MBOAT2: variants seen among roughly 807,000 people sequenced by gnomAD.
MBOAT2 encodes the protein membrane bound glycerophospholipid O-acyltransferase 2.
MBOAT2 carries 28 observed loss-of-function variants against 63.4 expected under a neutral mutation model. The ratio of observed to expected loss-of-function variants is 0.44; its 90% CI spans 0.33 to 0.61. MBOAT2 has a LOEUF of 0.61. Ranked by LOEUF, MBOAT2 falls within the 20% of genes least tolerant of loss-of-function variation. The pLI is 0.03. For synonymous variants in MBOAT2, 211 were observed against 215.6 expected, an observed-to-expected ratio of 0.98 and a Z score of 0.19; for missense variants, 470 against 605.8, an observed-to-expected ratio of 0.78 and a Z score of 2.35.
At chr2:8,974,726 T>A (rs576532185) in intron 1 of MBOAT2, among the ~76,000 whole-genome samples, 1 of 152,286 alleles carries the variant, frequency 6.6e-6, no homozygotes, top group East Asian at 1.9e-4. Flanking sequence ...GATGATTTTT[T>A]AAAATAATAC....
intron 1 of MBOAT2, 53 bp from the exon 2 acceptor site, chr2:8,958,695 T>A: frequency 1.4e-6 from 2 of 1,421,688 alleles, no homozygotes; most frequent in Non-Finnish European, 1.9e-6. Flanking sequence ...GAATTTTTCA[T>A]ATCATGTTAC....
rs1020512356 is a variant in MBOAT2, at chr2:8,857,138, C to G, written c.*1541G>C. Reference sequence around the variant, plus strand: ...ATTTGCAAATTTATTAGTGACTCCACCCCCCGAAAAAAAGAGAGAGAGAAC... The same window carrying G: ...ATTTGCAAATTTATTAGTGACTCCAGCCCCCGAAAAAAAGAGAGAGAGAAC... On this transcript the variant is annotated 3_prime_UTR_variant, in exon 13 of 13. Transcript: ENST00000305997. 1 of 152,276 alleles carries G rather than the reference C, an allele frequency of 6.6e-6. No homozygotes were observed. The highest frequency in any genetic ancestry group is 2.4e-5 in the African/African-American group (1 of 41,258). The allele number at this position is 152,276 out of a possible 1,614,324, so 9.4% of individuals were successfully genotyped here.
Position 8,862,655 on chromosome 2 carries a change from C to T in MBOAT2, c.1120G>A (p.Gly374Arg), listed in dbSNP as rs202137034. ...QTFILSAIWH[G>R]VYPGYYLTFL... The stretch of plus-strand genomic sequence containing the variant: ...GTTAGATAATATCCTGGGTATACCC[C>T]GTGCCAAATGGCAGAGAGAATGAAC... Residue 374 changes from glycine to arginine, a missense_variant, in exon 11 of 13, where the codon GGG becomes AGG. By Grantham distance (125) the Gly-to-Arg change is moderately radical. This residue lies in a region of MBOAT2 where 376 missense variants were observed against 503.8 expected (regional missense o/e 0.75). Transcript: ENST00000305997. This position sits in a 1 kb window ranked among gnomAD's most constrained non-coding sequence, Gnocchi z 4.3. 1 of 1,614,076 alleles carries T rather than the reference C, an allele frequency of 6.2e-7. No homozygotes were observed. Among genetic ancestry groups the T allele is most frequent in the South Asian group, 1.1e-5 (1 of 91,082 alleles).
In MBOAT2 at chr2:8,854,879, T is replaced by C. The variant is rs184816248; in HGVS notation, c.*3800A>G. 5.3e-5 allele frequency: 8 copies of C among 152,320 alleles called. No homozygotes were observed. Among genetic ancestry groups the C allele is most frequent in the Admixed American group, 3.3e-4 (5 of 15,304 alleles). 9.4% of individuals were successfully genotyped at this position (152,320 alleles called of 1,614,324 possible). On this transcript the variant is annotated 3_prime_UTR_variant, in exon 13 of 13. Transcript: ENST00000305997. ...ATGCTTTAAATATCCTTGAATAACT[T>C]TGAGATGTTATATAGTGGTAAACCC... is the stretch of plus-strand genomic sequence containing the variant.
At chr2:8,953,673 C>G (rs1377743552) in intron 2 of MBOAT2, among the ~76,000 whole-genome samples, 1 of 152,120 alleles carries the variant, frequency 6.6e-6, no homozygotes, top group Non-Finnish European at 1.5e-5. Flanking sequence ...TGGGTTAGTT[C>G]CAAAGACTCG....
At chr2:8,895,738 T>C (rs915727693) in intron 4 of MBOAT2, among the ~76,000 whole-genome samples, 2 of 152,158 alleles carry the variant, frequency 1.3e-5, no homozygotes, top group Non-Finnish European at 2.9e-5. Flanking sequence ...GCAGCTGTAG[T>C]GTCCTCCAGA....
chr2:8,914,934 C>CTTTTTTTTTTTTTT (rs938665533), intron 3 of MBOAT2, among the ~76,000 whole-genome samples: 9 of 60,234 alleles, frequency 1.5e-4, no homozygotes, highest in Admixed American at 2.5e-4. Context: ...CTGGAAATTT[C>CTTTTTTTTTTTTTT]TTTTTTTTTT....
Position 8,924,681 on chromosome 2 carries a change from C to T in MBOAT2, c.300-15965G>A, listed in dbSNP as rs958028418. ...TTACAGATGACAAAAATGAACCAAA[C>T]CCCCACCCAGCTATGGTTCAGCTGC... On this transcript the variant is annotated intron_variant, in intron 3 of 12. Coordinates refer to ENST00000305997, the MANE Select transcript of MBOAT2 (RefSeq NM_138799.4). Among the ~76,000 whole-genome samples the T allele has an allele frequency of 3.3e-5, 5 of 151,352 alleles. 1 individual carries two copies. Among genetic ancestry groups the T allele is most frequent in the African/African-American group, 1.2e-4 (5 of 41,192 alleles).
intron 11 of MBOAT2, among the ~76,000 whole-genome samples, chr2:8,861,592 A>G (rs773777803): frequency 4.6e-5 from 7 of 152,138 alleles, no homozygotes; most frequent in Non-Finnish European, 1.0e-4. Flanking sequence ...GGGTTTTGCT[A>G]ATGTCCTTCC....
chr2:8,992,875 T>C (rs1385966139), intron 1 of MBOAT2, among the ~76,000 whole-genome samples: 3 of 152,160 alleles, frequency 2.0e-5, no homozygotes, highest in African/African-American at 7.2e-5. Context: ...GGGACACGGG[T>C]TTACCTGTTC....
intron 1 of MBOAT2, among the ~76,000 whole-genome samples, chr2:8,997,897 T>C (rs1488066001): frequency 6.6e-6 from 1 of 152,230 alleles, no homozygotes; most frequent in Non-Finnish European, 1.5e-5. Context: ...AAACCTACAT[T>C]AGCTGCAATT....
intron 4 of MBOAT2, among the ~76,000 whole-genome samples, chr2:8,892,776 C>A (rs369650414): frequency 1.2e-4 from 19 of 152,038 alleles, no homozygotes; most frequent in Admixed American, 4.6e-4. Flanking sequence ...TAAAAATATT[C>A]CAGGAAGAGA....
intron 3 of MBOAT2, among the ~76,000 whole-genome samples, chr2:8,924,981 T>TA (rs1158935138): frequency 6.6e-6 from 1 of 151,956 alleles, no homozygotes; most frequent in African/African-American, 2.4e-5. Flanking sequence ...TAAGTACATA[T>TA]AAAAAAACAT....
At position 8,924,461 on chromosome 2, in the gene MBOAT2, TG is replaced by T. The variant is rs542725902; in HGVS notation, c.300-15746del. On this transcript the variant is annotated intron_variant, in intron 3 of 12. Coordinates refer to ENST00000305997, the MANE Select transcript of MBOAT2 (RefSeq NM_138799.4). ...ATCTGCCCTGTCTCTCCTGACCAGG[TG>T]TTCTCTTAGTTGGAACAAAGGGATC... Among the ~76,000 whole-genome samples the T allele has an allele frequency of 8.5e-5, 13 of 152,306 alleles. No homozygotes were observed. The East Asian group carries it at 2.3e-3, about 27-fold the overall frequency.
At chr2:8,991,376 A>G (rs928943826) in intron 1 of MBOAT2, among the ~76,000 whole-genome samples, 1 of 152,226 alleles carries the variant, frequency 6.6e-6, no homozygotes, top group African/African-American at 2.4e-5. Context: ...AGTAGTGTGA[A>G]ATTCCAACCT....
At chr2:8,916,068 G>T (rs1573042388) in intron 3 of MBOAT2, among the ~76,000 whole-genome samples, 1 of 152,258 alleles carries the variant, frequency 6.6e-6, no homozygotes, top group East Asian at 1.9e-4. Flanking sequence ...ACTTGCTGTT[G>T]GCACGTCTAC....
At chr2:8,993,347 G>A (rs577853426) in intron 1 of MBOAT2, among the ~76,000 whole-genome samples, 5 of 152,282 alleles carry the variant, frequency 3.3e-5, no homozygotes, top group African/African-American at 1.2e-4. Context: ...GTCCTTCAGT[G>A]AGCCTAACCA....
rs985911066 is a variant in MBOAT2 at position 9,003,240 on chromosome 2, G to C, written c.75+300C>G. Among the ~76,000 whole-genome samples, 1 of 152,160 alleles carries C rather than the reference G, an allele frequency of 6.6e-6. No individual in the cohort carries two copies. The highest frequency in any genetic ancestry group is 1.5e-5 in the Non-Finnish European group (1 of 68,026). ...GAGCGCCGCTGCCGCGAAGGGCAGG[G>C]ACCGCATGCACACCCGCACGCCCAT... On this transcript the variant is annotated intron_variant, in intron 1 of 12. Transcript: ENST00000305997. This position sits in a 1 kb window ranked among gnomAD's most constrained non-coding sequence, Gnocchi z 5.4.
chr2:8,964,488 A>AT (rs1669849184), intron 1 of MBOAT2, among the ~76,000 whole-genome samples: 1 of 150,494 alleles, frequency 6.6e-6, no homozygotes, highest in South Asian at 2.1e-4. Context: ...TGCTTTGAAT[A>AT]TTTTAAACTA....
Sources: gnomAD v4.1 joint callset for allele counts (sites outside exome capture counted in the v4.1 genomes callset) on GRCh38, gnomAD v4.1.1 for gene constraint, gnomAD v4.1.1 regional missense constraint, Gnocchi (gnomAD v3.1) non-coding constraint, MANE v1.5 for transcripts, NCBI Gene and HGNC (gene_info 2026-07-23, HGNC 2026-07-21) for gene names.